Variants in FBXL16 observed in about 807,000 individuals in gnomAD.
The protein encoded by FBXL16 is F-box and leucine rich repeat protein 16.
Under a neutral mutation model 36.7 loss-of-function variants are expected in FBXL16, and 7 were observed. That is an observed-to-expected ratio of 0.19 (90% CI 0.11 to 0.36). The LOEUF (loss-of-function observed/expected upper bound fraction) is 0.36, where lower values mean the gene tolerates loss of function less well. Ranked by LOEUF, FBXL16 falls within the 10% of genes least tolerant of loss-of-function variation. The pLI, the probability that FBXL16 is intolerant of heterozygous loss-of-function variation, is 1.00. For synonymous variants in FBXL16, 355 were observed against 308.7 expected (o/e 1.15, Z -1.57); for missense variants, 463 against 659.4 (o/e 0.70, Z 3.26).
intron 1 of FBXL16, among the ~76,000 whole-genome samples, chr16:705,161 T>C (rs1182719763): frequency 1.3e-5 from 2 of 152,036 alleles, no homozygotes; most frequent in Non-Finnish European, 2.9e-5. Context: ...GTCACTTCGG[T>C]CCGGGGGCGC....
intron 1 of FBXL16, among the ~76,000 whole-genome samples, chr16:701,836 C>T (rs568703676): frequency 5.3e-5 from 8 of 152,322 alleles, no homozygotes; most frequent in African/African-American, 1.9e-4. Context: ...AGCCTCAGCC[C>T]CTGTGGTGCT....
intron 1 of FBXL16, among the ~76,000 whole-genome samples, chr16:698,413 C>A (rs985006978): frequency 7.2e-5 from 11 of 152,196 alleles, no homozygotes; most frequent in Admixed American, 7.2e-4. Context: ...CCTGGTGAGG[C>A]CAGGACTGCT....
At chr16:694,848 G>C in intron 4 of FBXL16, 144 bp downstream of exon 4, 33 of 1,239,214 alleles carry the variant, frequency 2.7e-5, no homozygotes, top group Non-Finnish European at 2.9e-5. Flanking sequence ...CGTGGGGGCC[G>C]CCGGGACCCC....
At chr16:700,126 C>A (rs558864673) in intron 1 of FBXL16, among the ~76,000 whole-genome samples, 4 of 152,358 alleles carry the variant, frequency 2.6e-5, no homozygotes, top group African/African-American at 9.6e-5. Context: ...AAGCCCCAGA[C>A]AGGGCCAGCC....
intron 1 of FBXL16, among the ~76,000 whole-genome samples, chr16:703,297 T>A (rs966883112): frequency 6.6e-6 from 1 of 152,152 alleles, no homozygotes; most frequent in African/African-American, 2.4e-5. Flanking sequence ...TTTGGACACA[T>A]GCCTGGGAAA....
At chr16:695,389 GC>G in intron 3 of FBXL16, 25 bp downstream of exon 3, 1 of 1,483,044 alleles carries the variant, frequency 6.7e-7, no homozygotes, top group Non-Finnish European at 8.9e-7. Context: ...GCCCAGCCCC[GC>G]CCGGCGCGGC....
At chr16:694,545 G>GT in intron 5 of FBXL16, 89 bp downstream of exon 5, 1 of 1,520,554 alleles carries the variant, frequency 6.6e-7, no homozygotes, top group Non-Finnish European at 8.9e-7. Context: ...CCGGGTGTGA[G>GT]TTTGCACAAG....
intron 1 of FBXL16, among the ~76,000 whole-genome samples, chr16:698,998 G>A (rs924962548): frequency 2.0e-5 from 3 of 152,006 alleles, no homozygotes; most frequent in African/African-American, 7.2e-5. Flanking sequence ...AAGAAAGGGC[G>A]GGCATCTTCC....
At chr16:700,815 G>C (rs796456641) in intron 1 of FBXL16, among the ~76,000 whole-genome samples, 1 of 152,156 alleles carries the variant, frequency 6.6e-6, no homozygotes, top group South Asian at 2.1e-4. Context: ...CGCCCCAGCC[G>C]CGCGCTCAGG....
intron 1 of FBXL16, among the ~76,000 whole-genome samples, chr16:704,292 C>G (rs1200837815): frequency 6.6e-6 from 1 of 152,202 alleles, no homozygotes; most frequent in African/African-American, 2.4e-5. Flanking sequence ...ACTCGTCCAG[C>G]CGCCCCGGAA....
At position 694,640 on chromosome 16, in the gene FBXL16, G is replaced by A. The variant is rs777218849; in HGVS notation, c.1285C>T (p.Leu429=). ...LALGSLRLLS[L]AGCPLLTTTG... is the part of the protein sequence containing the mutation. ...GCAGAAACGGGGGTCTCACCTGCCA[G>A]AGACAGGAGGCGCAAACTCCCCAGG... The change falls in exon 5 of 6, where the codon CTG becomes TTG. Residue 429 remains leucine, a synonymous_variant. Transcript: ENST00000397621. The A allele has an allele frequency of 6.2e-7, 1 of 1,609,868 alleles. No individual in the cohort carries two copies. Among genetic ancestry groups the A allele is most frequent in the African/African-American group, 1.3e-5 (1 of 75,014 alleles).
At chr16:699,338 A>G (rs1191486971) in intron 1 of FBXL16, among the ~76,000 whole-genome samples, 1 of 152,234 alleles carries the variant, frequency 6.6e-6, no homozygotes, top group Non-Finnish European at 1.5e-5. Context: ...AGCCACGGAA[A>G]GAAGCAGAGG....
intron 1 of FBXL16, among the ~76,000 whole-genome samples, chr16:698,942 AAAG>A (rs1284059055): frequency 2.2e-5 from 3 of 137,508 alleles, no homozygotes; most frequent in Non-Finnish European, 4.7e-5. Flanking sequence ...AGAAAGAAAG[AAAG>A]AAAAAGAAAA....
At chr16:702,529 C>T (rs546733741) in intron 1 of FBXL16, among the ~76,000 whole-genome samples, 17 of 152,178 alleles carry the variant, frequency 1.1e-4, no homozygotes, top group Non-Finnish European at 2.2e-4. Flanking sequence ...AATTAGGGAA[C>T]GAATGAATGA....
Position 697,741 on chromosome 16 carries a change from C to T in FBXL16, c.-14-322G>A, listed in dbSNP as rs1283598093. Among the ~76,000 whole-genome samples the T allele has an allele frequency of 6.6e-6, 1 of 152,006 alleles. No homozygotes were observed. The highest frequency in any genetic ancestry group is 1.5e-5 in the Non-Finnish European group (1 of 68,008). On this transcript the variant is annotated intron_variant, in intron 1 of 5. Transcript: ENST00000397621. The surrounding 1 kb of genome is among the most constrained non-coding windows in gnomAD (Gnocchi z 4.6). Reference sequence around the variant, plus strand: ...TCCGGCCGGGCGCGGTGGCTCATGCCTGTAATCCCAGCACTTTGGGAGGCC... The same window carrying T: ...TCCGGCCGGGCGCGGTGGCTCATGCTTGTAATCCCAGCACTTTGGGAGGCC...
Position 695,404 on chromosome 16 carries a change from G to C in FBXL16, c.1142+11C>G. On this transcript the variant is annotated intron_variant, in intron 3 of 5. Coordinates refer to ENST00000397621, the MANE Select transcript of FBXL16 (RefSeq NM_153350.4). ...GCCCAGCCCCGCCCGGCGCGGCCCG[G>C]GGGCGCGCACCTGTCGAGCACGAGC... 1 of 1,522,560 alleles carries C rather than the reference G, an allele frequency of 6.6e-7. No homozygotes were observed. 94.3% of individuals were successfully genotyped at this position (1,522,560 alleles called of 1,614,324 possible). A position where few individuals can be genotyped will look rare whatever the true frequency, so the allele number is the denominator to read the frequency against.
intron 1 of FBXL16, among the ~76,000 whole-genome samples, chr16:702,288 G>T (rs2040063343): frequency 6.6e-6 from 1 of 152,116 alleles, no homozygotes; most frequent in Admixed American, 6.5e-5. Context: ...GCCTGGCAGG[G>T]TTTCCCTGCC....
Position 702,640 on chromosome 16 carries a change from C to T in FBXL16, c.-15+2872G>A, listed in dbSNP as rs569376728. Reference sequence around the variant, plus strand: ...GGATTGGTCAAATTTAGGAAGAGGCCGGTCAGCGGGGAAGGCACAGCTCGG... The same window carrying T: ...GGATTGGTCAAATTTAGGAAGAGGCTGGTCAGCGGGGAAGGCACAGCTCGG... On this transcript the variant is annotated intron_variant, in intron 1 of 5. Transcript: ENST00000397621. Among the ~76,000 whole-genome samples the T allele has an allele frequency of 3.9e-5, 6 of 152,322 alleles. No individual in the cohort carries two copies. The South Asian group carries it at 6.2e-4, about 16-fold the overall frequency.
At chr16:705,330 G>A (rs948178164) in intron 1 of FBXL16, among the ~76,000 whole-genome samples, 182 bp downstream of exon 1, 1 of 152,082 alleles carries the variant, frequency 6.6e-6, no homozygotes, top group Non-Finnish European at 1.5e-5. Context: ...GGGAAGGCCA[G>A]GCAGGGACCG....
Sources: gnomAD v4.1 joint callset for allele counts (sites outside exome capture counted in the v4.1 genomes callset) on GRCh38, gnomAD v4.1.1 for gene constraint, Gnocchi (gnomAD v3.1) non-coding constraint, MANE v1.5 for transcripts, NCBI Gene and HGNC (gene_info 2026-07-23, HGNC 2026-07-21) for gene names.